The following PRAMEF20 variants were observed in gnomAD, a reference collection of about 807,000 sequenced individuals.
PRAMEF20 encodes the protein PRAME family member 20.
Under a neutral mutation model 32.4 loss-of-function variants are expected in PRAMEF20, and 27 were observed. The ratio of observed to expected loss-of-function variants is 0.83; its 90% CI spans 0.61 to 1.15. The LOEUF (loss-of-function observed/expected upper bound fraction) is 1.15. PRAMEF20 is among the 50% of genes most tolerant of loss of function. The pLI is 0.00. For synonymous variants in PRAMEF20, 256 were observed against 235.4 expected, an observed-to-expected ratio of 1.09 and a Z score of -0.80; for missense variants, 604 against 584.5, an observed-to-expected ratio of 1.03 and a Z score of -0.34.
At chr1:13,412,174 C>T (rs1306932369), upstream of PRAMEF20, among the ~76,000 whole-genome samples, 7 of 152,066 alleles carry the variant, frequency 4.6e-5, no homozygotes, top group African/African-American at 9.7e-5. Flanking sequence ...TGAGCCACCA[C>T]ACCAAGTTAA....
exon 1 of PRAMEF20, chr1:13,416,601 G>C: frequency 6.2e-7 from 1 of 1,614,150 alleles, no homozygotes; most frequent in Non-Finnish European, 8.5e-7. Context: ...AGCTGTGCTC[G>C]ATGGGCTTGA....
chr1:13,418,676 A>T, exon 2 of PRAMEF20: 2 of 1,613,818 alleles, frequency 1.2e-6, no homozygotes, highest in Non-Finnish European at 1.7e-6. Context: ...TCTTTCCTCG[A>T]AGGCCACCTG....
exon 2 of PRAMEF20, chr1:13,418,530 G>T: frequency 3.1e-6 from 5 of 1,613,950 alleles, no homozygotes; most frequent in Non-Finnish European, 4.2e-6. Flanking sequence ...GCCAGATGAG[G>T]AATCTTCGGA....
intron 2 of PRAMEF20, among the ~76,000 whole-genome samples, chr1:13,420,283 T>G (rs1048580968): frequency 6.6e-6 from 1 of 152,198 alleles, no homozygotes; most frequent in African/African-American, 2.4e-5. Context: ...CGATCTCTGC[T>G]CACTGCAACT....
chr1:13,417,227 C>G (rs997531879), intron 1 of PRAMEF20, among the ~76,000 whole-genome samples: 4 of 152,230 alleles, frequency 2.6e-5, no homozygotes, highest in Admixed American at 2.6e-4. Flanking sequence ...ATGGTCCCCT[C>G]CCATGTTCCA....
exon 1 of PRAMEF20, chr1:13,416,475 A>G (rs1371737403): frequency 6.2e-7 from 1 of 1,614,056 alleles, no homozygotes; most frequent in Non-Finnish European, 8.5e-7. Context: ...CCCATTGTTC[A>G]TGGAGGCCTT....
exon 2 of PRAMEF20, chr1:13,418,665 T>A: frequency 6.2e-7 from 1 of 1,613,906 alleles, no homozygotes; most frequent in Non-Finnish European, 8.5e-7. Flanking sequence ...TGAACTCTGT[T>A]TCTTTCCTCG....
At chr1:13,413,986 CT>C (rs1312091368), upstream of PRAMEF20, among the ~76,000 whole-genome samples, 9 of 152,030 alleles carry the variant, frequency 5.9e-5, no homozygotes, top group Non-Finnish European at 1.3e-4. Flanking sequence ...TTGATTTATG[CT>C]TTGGTTTTTG....
chr1:13,417,308 G>C (rs1033054703), intron 1 of PRAMEF20, among the ~76,000 whole-genome samples: 3 of 152,106 alleles, frequency 2.0e-5, no homozygotes, highest in African/African-American at 7.2e-5. Flanking sequence ...CCTGCTGATT[G>C]GTGCATTTTA....
intron 2 of PRAMEF20, 100 bp from the exon 4 acceptor site, chr1:13,420,597 G>A (rs1172102616): frequency 2.6e-5 from 40 of 1,536,686 alleles, no homozygotes; most frequent in Non-Finnish European, 3.3e-5. Context: ...CCCTGGGCTT[G>A]GGCAAAATGG....
exon 1 of PRAMEF20, chr1:13,416,405 G>A: frequency 6.2e-7 from 1 of 1,613,750 alleles, no homozygotes; most frequent in Non-Finnish European, 8.5e-7. Context: ...GGCGGAGCCT[G>A]CTGAGGGACG....
chr1:13,415,782 C>T (rs1439633913), upstream of PRAMEF20, among the ~76,000 whole-genome samples: 1 of 125,536 alleles, frequency 8.0e-6, no homozygotes, highest in Non-Finnish European at 1.7e-5. Context: ...AGAGCAAGAC[C>T]CTGGCAAAAA....
chr1:13,414,207 A>ATTTTTTTTT (rs1641139691), upstream of PRAMEF20, among the ~76,000 whole-genome samples: 1 of 109,078 alleles, frequency 9.2e-6, no homozygotes, highest in African/African-American at 4.2e-5. Context: ...ACACCTGACT[A>ATTTTTTTTT]ATTTTTTTTT....
At chr1:13,411,433 G>C (rs1641113192), upstream of PRAMEF20, among the ~76,000 whole-genome samples, 2 of 151,090 alleles carry the variant, frequency 1.3e-5, no homozygotes, top group Admixed American at 6.6e-5. Flanking sequence ...CTTCAAAAAA[G>C]GAGAGAAAGA....
rs1299404163 is a variant in PRAMEF20, at chr1:13,418,679, G to A, written c.845G>A (p.Gly282Asp). Residue 282 changes from glycine to aspartate, a missense_variant, in exon 2 of 3, where the codon GGC becomes GAC. By Grantham distance (94) the Gly-to-Asp change is moderately conservative (BLOSUM62 -1). Coordinates refer to ENST00000602960, the Ensembl canonical transcript of PRAMEF20. Reference sequence around the variant, plus strand: ...ATGAACTCTGTTTCTTTCCTCGAAGGCCACCTGGACCAGATGCTCAGGTGA... The same window carrying A: ...ATGAACTCTGTTTCTTTCCTCGAAGACCACCTGGACCAGATGCTCAGGTGA... 6 of 1,613,628 alleles carry A rather than the reference G, an allele frequency of 3.7e-6. No homozygotes were observed. In the African/African-American group the frequency reaches 5.3e-5, roughly 14 times the overall value.
exon 3 of PRAMEF20, chr1:13,420,701 C>T (rs985331911): frequency 9.3e-6 from 15 of 1,613,798 alleles, no homozygotes; most frequent in Non-Finnish European, 1.3e-5. Flanking sequence ...CCCCAGCTGT[C>T]TAAAGACCTC....
At chr1:13,419,024 A>C (rs890090248) in intron 2 of PRAMEF20, among the ~76,000 whole-genome samples, 1 of 152,198 alleles carries the variant, frequency 6.6e-6, no homozygotes, top group African/African-American at 2.4e-5. Flanking sequence ...ATGCTGGCTC[A>C]TGCCTGTAAT....
chr1:13,415,274 G>A (rs1641157731), upstream of PRAMEF20, among the ~76,000 whole-genome samples: 1 of 151,886 alleles, frequency 6.6e-6, no homozygotes. Context: ...TACAGACAGG[G>A]TTTCACCATG....
intron 2 of PRAMEF20, among the ~76,000 whole-genome samples, 188 bp downstream of exon 3, chr1:13,418,888 G>C (rs1422637959): frequency 6.6e-6 from 1 of 152,198 alleles, no homozygotes; most frequent in Non-Finnish European, 1.5e-5. Context: ...AGCTGGGGTA[G>C]ATGCTATAGA....
Sources: allele counts gnomAD v4.1 joint callset (sites outside exome capture counted in the v4.1 genomes callset), GRCh38; gene constraint gnomAD v4.1.1; transcripts MANE v1.5; gene names NCBI Gene and HGNC (gene_info 2026-07-23, HGNC 2026-07-21).